Variants in MAP3K5 observed in about 807,000 individuals in gnomAD.
MAP3K5 encodes ASK-1.
MAP3K5 carries 56 observed loss-of-function variants against 158.7 expected under a neutral mutation model. That is an observed-to-expected ratio of 0.35 (90% CI 0.28 to 0.44). The LOEUF (loss-of-function observed/expected upper bound fraction) is 0.44, where lower values mean the gene tolerates loss of function less well. MAP3K5 is among the 20% of genes least tolerant of loss of function. The pLI is 1.00. For synonymous variants in MAP3K5, 579 were observed against 601.7 expected (o/e 0.96, Z 0.55); for missense variants, 1,294 against 1,674.8 (o/e 0.77, Z 3.97).
At chr6:136,714,659 T>C (rs1310820193) in intron 2 of MAP3K5, among the ~76,000 whole-genome samples, 1 of 152,188 alleles carries the variant, frequency 6.6e-6, no homozygotes, top group Non-Finnish European at 1.5e-5. Flanking sequence ...AATGCTACCA[T>C]GAACATGGGT....
intron 25 of MAP3K5, among the ~76,000 whole-genome samples, chr6:136,570,625 C>T (rs1344978818): frequency 6.6e-6 from 1 of 152,096 alleles, no homozygotes; most frequent in Non-Finnish European, 1.5e-5. Context: ...TTTCTTTATC[C>T]CTCTTTTAAA....
At chr6:136,600,890 A>T (rs1269191559) in intron 21 of MAP3K5, 132 bp downstream of exon 21, 15 of 832,974 alleles carry the variant, frequency 1.8e-5, no homozygotes, top group Non-Finnish European at 2.0e-5. Context: ...TCCTTATAGT[A>T]TCTAGTACCG....
intron 3 of MAP3K5, among the ~76,000 whole-genome samples, chr6:136,704,142 C>T (rs1780969489): frequency 6.6e-6 from 1 of 151,952 alleles, no homozygotes; most frequent in African/African-American, 2.4e-5. Flanking sequence ...GTCTCAGAGG[C>T]AGAATACAAT....
intron 1 of MAP3K5, among the ~76,000 whole-genome samples, chr6:136,730,167 G>C (rs10081061): frequency 1.4e-5 from 1 of 73,448 alleles, no homozygotes; most frequent in Non-Finnish European, 3.1e-5. Context: ...TTTTTTTTTT[G>C]TTTTTTGTTT....
chr6:136,740,690 G>C (rs956696263), intron 1 of MAP3K5, among the ~76,000 whole-genome samples: 1 of 152,206 alleles, frequency 6.6e-6, no homozygotes, highest in Non-Finnish European at 1.5e-5. Context: ...CCATTAACCA[G>C]ATGACATTTT....
intron 13 of MAP3K5, among the ~76,000 whole-genome samples, 173 bp downstream of exon 13, chr6:136,639,368 ACC>A (rs113792582): frequency 7.2e-4 from 107 of 149,388 alleles, no homozygotes; most frequent in African/African-American, 2.4e-3. Flanking sequence ...ATTAAAGAAA[ACC>A]CCCCCCCAAA....
chr6:136,720,350 G>T, intron 2 of MAP3K5, 100 bp downstream of exon 2: 1 of 1,142,950 alleles, frequency 8.7e-7, no homozygotes. Flanking sequence ...ACATATAAAA[G>T]TCTTTCACAA....
intron 21 of MAP3K5, among the ~76,000 whole-genome samples, chr6:136,597,071 C>T (rs1343462263): frequency 6.6e-6 from 1 of 152,258 alleles, no homozygotes; most frequent in South Asian, 2.1e-4. Flanking sequence ...GGGCTGACCA[C>T]GAAGAGTCTA....
intron 9 of MAP3K5, among the ~76,000 whole-genome samples, chr6:136,657,243 GA>G (rs764212984): frequency 1.8e-4 from 28 of 152,204 alleles, no homozygotes; most frequent in Admixed American, 1.6e-3. Flanking sequence ...TGCCTCAAAA[GA>G]AAAAGTTAGG....
At chr6:136,602,963 A>T (rs1244569961) in intron 19 of MAP3K5, among the ~76,000 whole-genome samples, 1 of 152,230 alleles carries the variant, frequency 6.6e-6, no homozygotes, top group Admixed American at 6.5e-5. Flanking sequence ...GCTATTCTAA[A>T]AAAAATTAAT....
At chr6:136,583,909 C>A (rs1775000986) in intron 23 of MAP3K5, among the ~76,000 whole-genome samples, 169 bp from the exon 24 acceptor site, 1 of 152,134 alleles carries the variant, frequency 6.6e-6, no homozygotes, top group East Asian at 1.9e-4. Flanking sequence ...GCGAGCCTCC[C>A]ATCACTACTT....
At chr6:136,766,179 T>A (rs770778864) in intron 1 of MAP3K5, among the ~76,000 whole-genome samples, 1 of 152,082 alleles carries the variant, frequency 6.6e-6, no homozygotes, top group African/African-American at 2.4e-5. Flanking sequence ...TGGGGAGAAG[T>A]TGGAGACTGA....
rs368927171 is a variant in MAP3K5, at chr6:136,688,985, T to G, written c.1253+5155A>C. ...AGGGCTGCACAATTACACTCCTCTT[T>G]TGTAATAGCAGAAAAAAAAAAAACT... On this transcript the variant is annotated intron_variant, in intron 7 of 29. Coordinates refer to ENST00000359015, the MANE Select transcript of MAP3K5 (RefSeq NM_005923.4). 2.0e-4 allele frequency among the ~76,000 whole-genome samples: 30 copies of G among 152,166 alleles called. 1 individual carries two copies. The highest frequency in any genetic ancestry group is 9.2e-4 in the Admixed American group (14 of 15,282).
In MAP3K5 at chr6:136,604,807, G is replaced by A. The variant is rs139102869; in HGVS notation, c.2679+402C>T. ...AAAATGAAGCCTTCAAACTATTATG[G>A]TAGAGAAGTAAAGGAAATTATTAAT... On this transcript the variant is annotated intron_variant, in intron 19 of 29. Coordinates refer to ENST00000359015, the MANE Select transcript of MAP3K5 (RefSeq NM_005923.4). 5.9e-5 allele frequency among the ~76,000 whole-genome samples: 9 copies of A among 152,054 alleles called. No homozygotes were observed. In the East Asian group the frequency reaches 1.7e-3, roughly 29 times the overall value.
chr6:136,754,761 G>A (rs1027720430), intron 1 of MAP3K5, among the ~76,000 whole-genome samples: 2 of 152,178 alleles, frequency 1.3e-5, no homozygotes, highest in Non-Finnish European at 2.9e-5. Context: ...GACTAGAGAG[G>A]AGCAAATCTG....
chr6:136,665,609 G>C (rs984827558), intron 8 of MAP3K5, among the ~76,000 whole-genome samples: 1 of 152,122 alleles, frequency 6.6e-6, no homozygotes. Context: ...GCCTCCCAAA[G>C]TGCTGGGATT....
rs1223859242 is a variant in MAP3K5 at position 136,567,671 on chromosome 6, G to A, written c.3721C>T (p.Leu1241=). The change falls in exon 26 of 30, where the codon CTG becomes TTG. Residue 1241 remains leucine (L), a synonymous_variant. Coordinates refer to ENST00000359015, the MANE Select transcript of MAP3K5 (RefSeq NM_005923.4). ...SHDSQSAHRS[L]NVQLGRMKIE... ...TTCATCCTTCCAAGCTGTACATTCA[G>A]TGACCGGTGAGCACTCTGGGAATCA... 3 of 1,614,054 alleles carry A rather than the reference G, an allele frequency of 1.9e-6. No homozygotes were observed. The African/African-American group carries it at 4.0e-5, about 22-fold the overall frequency.
At chr6:136,727,212 TACTC>T (rs1261678192) in intron 1 of MAP3K5, among the ~76,000 whole-genome samples, 2 of 152,224 alleles carry the variant, frequency 1.3e-5, no homozygotes, top group Non-Finnish European at 2.9e-5. Flanking sequence ...AAACACTTGA[TACTC>T]AAGAATTCCT....
At chr6:136,708,217 T>C (rs1290417288) in intron 2 of MAP3K5, among the ~76,000 whole-genome samples, 1 of 152,204 alleles carries the variant, frequency 6.6e-6, no homozygotes, top group Non-Finnish European at 1.5e-5. Flanking sequence ...TGTTAAAGTT[T>C]TACACAGACT....
Sources: allele counts gnomAD v4.1 joint callset (sites outside exome capture counted in the v4.1 genomes callset), GRCh38; gene constraint gnomAD v4.1.1; transcripts MANE v1.5; gene names NCBI Gene and HGNC (gene_info 2026-07-23, HGNC 2026-07-21).